RGS7: variants seen among roughly 807,000 people sequenced by gnomAD.
The protein encoded by RGS7 is regulator of G-protein signaling 7.
RGS7 carries 27 observed loss-of-function variants against 81.1 expected under a neutral mutation model. The observed-to-expected ratio is 0.33, with a 90% CI of 0.25 to 0.46. RGS7 has a LOEUF of 0.46. Ranked by LOEUF, RGS7 falls within the 20% of genes least tolerant of loss-of-function variation. The pLI, the probability that RGS7 is intolerant of heterozygous loss-of-function variation, is 1.00. For synonymous variants in RGS7, 208 were observed against 207.7 expected (o/e 1.00, Z -0.01); for missense variants, 396 against 607.4 (o/e 0.65, Z 3.66).
intron 6 of RGS7, among the ~76,000 whole-genome samples, chr1:240,904,960 A>G (rs896880530): frequency 2.0e-5 from 3 of 152,210 alleles, no homozygotes; most frequent in African/African-American, 7.2e-5. Flanking sequence ...AAAAATTACC[A>G]GTAGCTAACA....
chr1:240,955,551 C>CAAAAAA (rs369155474), intron 4 of RGS7, among the ~76,000 whole-genome samples: 35 of 140,296 alleles, frequency 2.5e-4, no homozygotes, highest in African/African-American at 8.1e-4. Flanking sequence ...GACTCTGTCT[C>CAAAAAA]AAAAAAAAAA....
At chr1:240,879,418 G>A (rs1666013187) in intron 6 of RGS7, among the ~76,000 whole-genome samples, 1 of 152,108 alleles carries the variant, frequency 6.6e-6, no homozygotes, top group Non-Finnish European at 1.5e-5. Flanking sequence ...AAAGATATTT[G>A]TAGATTTTAT....
chr1:241,355,757 T>A lies in RGS7; in HGVS notation c.20A>T (p.Tyr7Phe), dbSNP rs548863531. The A allele has an allele frequency of 8.7e-6, 14 of 1,614,060 alleles. No homozygotes were observed. The highest frequency in any genetic ancestry group is 3.3e-4 in the Middle Eastern group (2 of 6,062). ...GGCCACCCCGTTGCTGGTCTGCCCA[T>A]AATTATTCCCCTGGGCCATGTCACC... The part of the protein sequence containing the change: MAQGNN[Y>F]GQTSNGVADE... The change falls in exon 2 of 19, where the codon TAT becomes TTT. Residue 7 changes from tyrosine to phenylalanine, a missense_variant. Coordinates refer to ENST00000440928, the MANE Select transcript of RGS7 (RefSeq NM_001364886.1).
At chr1:241,296,324 G>A (rs1401769438) in intron 2 of RGS7, among the ~76,000 whole-genome samples, 1 of 152,162 alleles carries the variant, frequency 6.6e-6, no homozygotes, top group East Asian at 1.9e-4. Flanking sequence ...TTTCAACACT[G>A]CAGAGTAGGA....
chr1:240,834,639 T>G (rs1248461335), intron 9 of RGS7, among the ~76,000 whole-genome samples: 4 of 152,042 alleles, frequency 2.6e-5, no homozygotes, highest in African/African-American at 9.7e-5. Context: ...GCCTCCCGAG[T>G]AGCTGGGACT....
At chr1:240,977,858 G>A (rs1365578963) in intron 4 of RGS7, among the ~76,000 whole-genome samples, 3 of 152,174 alleles carry the variant, frequency 2.0e-5, no homozygotes, top group East Asian at 1.9e-4. Flanking sequence ...TTCTCTCCCC[G>A]CAGTGGAGGG....
chr1:241,040,735 C>T (rs2148765987), intron 3 of RGS7, among the ~76,000 whole-genome samples: 1 of 152,244 alleles, frequency 6.6e-6, no homozygotes, highest in South Asian at 2.1e-4. Flanking sequence ...GGTGATCCGC[C>T]CACCTCGGCC....
At chr1:241,191,372 G>A (rs944342715) in intron 2 of RGS7, among the ~76,000 whole-genome samples, 2 of 152,048 alleles carry the variant, frequency 1.3e-5, no homozygotes, top group African/African-American at 2.4e-5. Context: ...ATGATCATGT[G>A]AGCCTTTTTT....
rs192925913 is a variant in RGS7, at chr1:241,274,641, A to C, written c.78+81058T>G. ...AAGTGGAAAACACACAAATTAAGTTAAAACAAATTTTTAATGGAAGAGTAG... is the reference window on the plus strand; with the variant it reads ...AAGTGGAAAACACACAAATTAAGTTCAAACAAATTTTTAATGGAAGAGTAG... On this transcript the variant is annotated intron_variant, in intron 2 of 18. Coordinates refer to ENST00000440928, the MANE Select transcript of RGS7 (RefSeq NM_001364886.1). Among the ~76,000 whole-genome samples, 4 of 152,354 alleles carry C rather than the reference A, an allele frequency of 2.6e-5. No individual in the cohort carries two copies. The East Asian group carries it at 7.7e-4, about 29-fold the overall frequency.
In RGS7 at chr1:241,164,331, G is replaced by A. The variant is rs541827306; in HGVS notation, c.79-65569C>T. On this transcript the variant is annotated intron_variant, in intron 2 of 18. Transcript: ENST00000440928. This position sits in a 1 kb window ranked among gnomAD's most constrained non-coding sequence, Gnocchi z 4.1. Reference sequence around the variant, plus strand: ...TGATTGACTAAACCTTTGGCCATTGGTGGTCAACTTAACCTTCAGCCCCTT... The same window carrying A: ...TGATTGACTAAACCTTTGGCCATTGATGGTCAACTTAACCTTCAGCCCCTT... 1.8e-4 allele frequency among the ~76,000 whole-genome samples: 27 copies of A among 151,100 alleles called. No homozygotes were observed. The East Asian group carries it at 2.7e-3, about 15-fold the overall frequency.
chr1:240,921,373 T>C (rs1673507756), intron 6 of RGS7, among the ~76,000 whole-genome samples: 2 of 151,514 alleles, frequency 1.3e-5, no homozygotes. Context: ...TAAGGAAAAA[T>C]GCAAGAATGT....
intron 2 of RGS7, among the ~76,000 whole-genome samples, chr1:241,219,283 G>C (rs2074756123): frequency 6.6e-6 from 1 of 152,090 alleles, no homozygotes; most frequent in Non-Finnish European, 1.5e-5. Context: ...AGTCTCATTA[G>C]ATCTGATGGT....
At chr1:241,277,037 T>C (rs1283782407) in intron 2 of RGS7, among the ~76,000 whole-genome samples, 1 of 152,224 alleles carries the variant, frequency 6.6e-6, no homozygotes, top group Non-Finnish European at 1.5e-5. Context: ...CAAAATAGCA[T>C]CCTACTGTTT....
At chr1:241,090,922 G>C (rs1016304979) in intron 3 of RGS7, among the ~76,000 whole-genome samples, 1 of 152,138 alleles carries the variant, frequency 6.6e-6, no homozygotes, top group Non-Finnish European at 1.5e-5. Context: ...TACCAATTCT[G>C]ACATGCGTGT....
At chr1:241,245,348 C>A (rs72760524) in intron 2 of RGS7, among the ~76,000 whole-genome samples, 15,726 of 149,768 alleles carry the variant, frequency 0.11, 1,063 homozygotes, top group East Asian at 0.3. Context: ...CCTCCCCACA[C>A]CCCCCTCCTC....
At chr1:240,940,500 G>A (rs150661754) in intron 4 of RGS7, among the ~76,000 whole-genome samples, 4 of 152,216 alleles carry the variant, frequency 2.6e-5, no homozygotes, top group East Asian at 1.9e-4. Context: ...ATCTGTCTTC[G>A]TATAGCCATC....
At chr1:241,170,577 T>A (rs1442924317) in intron 2 of RGS7, among the ~76,000 whole-genome samples, 1 of 152,078 alleles carries the variant, frequency 6.6e-6, no homozygotes. Context: ...GGCACCGTGG[T>A]GGGGTGTATA....
chr1:241,270,982 C>T (rs943911975), intron 2 of RGS7, among the ~76,000 whole-genome samples: 1 of 152,104 alleles, frequency 6.6e-6, no homozygotes, highest in East Asian at 1.9e-4. Context: ...TGGTCTCAAT[C>T]TCCTGACCTC....
Position 241,271,982 on chromosome 1 carries a change from TC to T in RGS7, c.78+83716del, listed in dbSNP as rs748483856. Reference sequence around the variant, plus strand: ...CTGGAGAACCCTGACTACTAGAATTTCTTTTTTTTTTTTTTTATTTTTATTT... The same window carrying T: ...CTGGAGAACCCTGACTACTAGAATTTTTTTTTTTTTTTTTTATTTTTATTT... On this transcript the variant is annotated intron_variant, in intron 2 of 18. Transcript: ENST00000440928. This position sits in a 1 kb window ranked among gnomAD's most constrained non-coding sequence, Gnocchi z 4.6. Among the ~76,000 whole-genome samples, 1 of 45,750 alleles carries T rather than the reference TC, an allele frequency of 2.2e-5. No homozygotes were observed. Among genetic ancestry groups the T allele is most frequent in the African/African-American group, 6.3e-5 (1 of 15,874 alleles). The allele number at this position is 45,750 out of a possible 152,430, so 30.0% of individuals were successfully genotyped here.
Sources: gnomAD v4.1 joint callset for allele counts (sites outside exome capture counted in the v4.1 genomes callset) on GRCh38, gnomAD v4.1.1 for gene constraint, Gnocchi (gnomAD v3.1) non-coding constraint, MANE v1.5 for transcripts, NCBI Gene and HGNC (gene_info 2026-07-23, HGNC 2026-07-21) for gene names.